ENPP2: variants seen among roughly 807,000 people sequenced by gnomAD.
ENPP2 encodes the protein ectonucleotide pyrophosphatase/phosphodiesterase 2, also known as autotaxin.
In ENPP2, 51 loss-of-function variants were observed where a neutral mutation model predicts 120.2. The observed-to-expected ratio is 0.42, with a 90% CI of 0.34 to 0.54. The LOEUF (loss-of-function observed/expected upper bound fraction) is 0.54. Ranked by LOEUF, ENPP2 falls within the 20% of genes least tolerant of loss-of-function variation. The pLI is 0.04. For missense variants in ENPP2, 920 were observed against 1,066.5 expected, an observed-to-expected ratio of 0.86 and a Z score of 1.91; for synonymous variants, 365 against 366.4, an observed-to-expected ratio of 1.00 and a Z score of 0.04.
intron 19 of ENPP2, among the ~76,000 whole-genome samples, chr8:119,579,112 C>G (rs1403402304): frequency 6.6e-6 from 1 of 152,164 alleles, no homozygotes; most frequent in Non-Finnish European, 1.5e-5. Flanking sequence ...CATGTTATCC[C>G]ATCTACTTTA....
At chr8:119,629,615 G>C (rs1321709607) in intron 2 of ENPP2, among the ~76,000 whole-genome samples, 1 of 152,128 alleles carries the variant, frequency 6.6e-6, no homozygotes, top group East Asian at 1.9e-4. Context: ...ACTTTTGCAT[G>C]GTTGCTCCTA....
At chr8:119,593,992 A>G in intron 11 of ENPP2, 132 bp from the exon 12 acceptor site, 1 of 671,028 alleles carries the variant, frequency 1.5e-6, no homozygotes, top group Admixed American at 2.4e-5. Flanking sequence ...GTCTGGGGAG[A>G]TTTGCCTGCC....
At chr8:119,597,608 G>C (rs1310971124) in intron 11 of ENPP2, among the ~76,000 whole-genome samples, 2 of 152,184 alleles carry the variant, frequency 1.3e-5, no homozygotes, top group South Asian at 2.1e-4. Flanking sequence ...AGGATACTTT[G>C]CCATCTGAAG....
At chr8:119,643,926 G>A (rs1469597629) in intron 1 of ENPP2, among the ~76,000 whole-genome samples, 2 of 152,102 alleles carry the variant, frequency 1.3e-5, no homozygotes, top group Non-Finnish European at 2.9e-5. Context: ...CTAGACAGAG[G>A]AGAGAGAACA....
chr8:119,625,691 G>A (rs1816222837), intron 3 of ENPP2, among the ~76,000 whole-genome samples: 1 of 152,166 alleles, frequency 6.6e-6, no homozygotes, highest in Non-Finnish European at 1.5e-5. Flanking sequence ...TGTGTATGGT[G>A]TTGTCCAGAA....
intron 2 of ENPP2, among the ~76,000 whole-genome samples, chr8:119,627,545 T>C (rs1047167215): frequency 1.3e-5 from 2 of 149,062 alleles, no homozygotes; most frequent in African/African-American, 4.9e-5. Flanking sequence ...ATGAGAAAAG[T>C]CTACCAAAAA....
At chr8:119,587,861 G>A (rs188441000) in intron 13 of ENPP2, among the ~76,000 whole-genome samples, 86 of 152,324 alleles carry the variant, frequency 5.6e-4, no homozygotes, top group Non-Finnish European at 9.7e-4. Flanking sequence ...AGAATCAGCA[G>A]AAAAGGAAAG....
chr8:119,607,050 C>T (rs182268886), intron 9 of ENPP2, among the ~76,000 whole-genome samples: 4 of 152,092 alleles, frequency 2.6e-5, no homozygotes, highest in Admixed American at 2.6e-4. Flanking sequence ...TGGGAAGGAG[C>T]CCCACTTTCT....
intron 2 of ENPP2, among the ~76,000 whole-genome samples, chr8:119,635,245 A>G (rs969460668): frequency 6.6e-6 from 1 of 152,236 alleles, no homozygotes; most frequent in Non-Finnish European, 1.5e-5. Context: ...TCTACATTTC[A>G]TATGAACCTA....
chr8:119,594,507 A>G (rs1381749968), intron 11 of ENPP2, among the ~76,000 whole-genome samples: 1 of 152,228 alleles, frequency 6.6e-6, no homozygotes, highest in South Asian at 2.1e-4. Context: ...GAAGTGAACC[A>G]TGAGTTTGTT....
chr8:119,572,214 T>C, intron 19 of ENPP2: 1 of 1,555,532 alleles, frequency 6.4e-7, no homozygotes, highest in Non-Finnish European at 8.7e-7. Context: ...GTTTTCCTTG[T>C]TTTCATTTCT....
intron 24 of ENPP2, among the ~76,000 whole-genome samples, chr8:119,560,343 C>T (rs1813832628): frequency 6.6e-6 from 1 of 152,198 alleles, no homozygotes; most frequent in Admixed American, 6.5e-5. Flanking sequence ...ATTACATCCA[C>T]CTGGGGCTTT....
Position 119,626,677 on chromosome 8 carries a change from C to T in ENPP2, c.180G>A (p.Lys60=). ...CCTCTTGAAGTTCAAAGCACCTGCC[C>T]TTGCAAGATCCGGAGATGTTGGTCC... ...SPWTNISGSC[K]GRCFELQEAG... Residue 60 remains lysine (K), a synonymous_variant, in exon 3 of 25, where the codon AAG becomes AAA. Coordinates refer to ENST00000075322, the MANE Select transcript of ENPP2 (RefSeq NM_001040092.3). The T allele has an allele frequency of 1.2e-6, 2 of 1,614,104 alleles. No individual in the cohort carries two copies. The highest frequency in any genetic ancestry group is 1.7e-6 in the Non-Finnish European group (2 of 1,179,958).
intron 1 of ENPP2, among the ~76,000 whole-genome samples, chr8:119,661,459 A>T (rs1035041555): frequency 7.2e-5 from 11 of 152,228 alleles, no homozygotes; most frequent in African/African-American, 2.7e-4. Context: ...AACCACAATG[A>T]AATATCACCT....
At chr8:119,644,189 G>C (rs1489867754) in intron 1 of ENPP2, among the ~76,000 whole-genome samples, 2 of 152,082 alleles carry the variant, frequency 1.3e-5, no homozygotes, top group African/African-American at 2.4e-5. Context: ...TCTCTGCACG[G>C]TGTAGATATG....
In ENPP2 at chr8:119,646,700, T is replaced by C. The variant is rs76432050; in HGVS notation, c.22-8173A>G. On this transcript the variant is annotated intron_variant, in intron 1 of 25. Transcript: ENST00000427067. ...TGAGAGTATTACATGAAATAATCCA[T>C]GTAAATCACCTAGCACAATGCCCAG... Among the ~76,000 whole-genome samples the C allele has an allele frequency of 3.3e-3, 504 of 152,358 alleles. 4 individuals carry two copies. Among genetic ancestry groups the C allele is most frequent in the African/African-American group, 0.011 (478 of 41,588 alleles).
At chr8:119,658,363 T>C (rs1465648133) in intron 1 of ENPP2, among the ~76,000 whole-genome samples, 4 of 152,186 alleles carry the variant, frequency 2.6e-5, no homozygotes, top group Non-Finnish European at 5.9e-5. Context: ...CTCAAACTCC[T>C]GGGCTCAAGG....
At chr8:119,596,990 G>A (rs550987511) in intron 11 of ENPP2, among the ~76,000 whole-genome samples, 142 of 152,146 alleles carry the variant, frequency 9.3e-4, no homozygotes, top group African/African-American at 2.6e-3. Flanking sequence ...GACTTCTCTC[G>A]GAGGGTGGGT....
intron 5 of ENPP2, chr8:119,618,184 A>G: frequency 2.6e-6 from 1 of 381,582 alleles, no homozygotes; most frequent in East Asian, 7.2e-5. Flanking sequence ...TTTTGAGATG[A>G]GCTATCAAGG....
Sources: allele counts gnomAD v4.1 joint callset (sites outside exome capture counted in the v4.1 genomes callset), GRCh38; gene constraint gnomAD v4.1.1; transcripts MANE v1.5; gene names NCBI Gene and HGNC (gene_info 2026-07-23, HGNC 2026-07-21).